The following NUP43 variants were observed in gnomAD, a reference collection of about 807,000 sequenced individuals.
NUP43 encodes the protein nucleoporin 43.
NUP43 carries 32 observed loss-of-function variants against 47.3 expected under a neutral mutation model. The observed-to-expected ratio is 0.68, with a 90% confidence interval of 0.51 to 0.91. The LOEUF (loss-of-function observed/expected upper bound fraction) is 0.91. Among genes scored for constraint, NUP43 ranks in the 40% least tolerant of loss-of-function variants. The pLI is 0.00. For synonymous variants in NUP43, 147 were observed against 158.4 expected, an observed-to-expected ratio of 0.93 and a Z score of 0.54; for missense variants, 444 against 453.9, an observed-to-expected ratio of 0.98 and a Z score of 0.20.
intron 6 of NUP43, 93 bp from the exon 7 acceptor site, chr6:149,731,828 C>T: frequency 3.0e-6 from 4 of 1,317,550 alleles, no homozygotes; most frequent in Non-Finnish European, 4.3e-6. Context: ...TTCCATTATC[C>T]TCCATCACAT....
At chr6:149,731,830 C>A in intron 6 of NUP43, 95 bp from the exon 7 acceptor site, 1 of 1,262,318 alleles carries the variant, frequency 7.9e-7, no homozygotes, top group South Asian at 1.3e-5. Flanking sequence ...CCATTATCCT[C>A]CATCACATAC....
intron 4 of NUP43, among the ~76,000 whole-genome samples, chr6:149,741,328 C>A (rs1785642726): frequency 6.6e-6 from 1 of 152,112 alleles, no homozygotes; most frequent in Admixed American, 6.6e-5. Context: ...CCTGTGCCAC[C>A]ATGCCCAGCT....
intron 6 of NUP43, among the ~76,000 whole-genome samples, chr6:149,735,620 A>AAC (rs1554246037): frequency 6.7e-6 from 1 of 149,144 alleles, no homozygotes; most frequent in Admixed American, 6.7e-5. Context: ...AAAAAAAAAA[A>AAC]CACACACAGA....
intron 2 of NUP43, among the ~76,000 whole-genome samples, chr6:149,745,167 G>A (rs554406052): frequency 2.6e-5 from 4 of 152,054 alleles, no homozygotes; most frequent in African/African-American, 7.2e-5. Flanking sequence ...TTGGGAGGCC[G>A]AGGCAGGCAA....
rs781554693 is a variant in NUP43 at position 149,738,782 on chromosome 6, A to C, written c.503-4T>G. 6.1e-6 allele frequency: 9 copies of C among 1,469,742 alleles called. No individual in the cohort carries two copies. Among genetic ancestry groups the C allele is most frequent in the Non-Finnish European group, 7.2e-6 (8 of 1,109,102 alleles). 91.0% of individuals were successfully genotyped at this position (1,469,742 alleles called of 1,614,324 possible). A position where few individuals can be genotyped will look rare whatever the true frequency, so the allele number is the denominator to read the frequency against. ...AGTGTACTACTATCTGCATTGTCTA[A>C]AAATTTAAAAAATGGTAGTATGTGT... On this transcript the variant is annotated splice_region_variant and splice_polypyrimidine_tract_variant and intron_variant, in intron 4 of 7. Transcript: ENST00000340413.
upstream of NUP43, chr6:149,746,653 G>C: frequency 6.4e-7 from 1 of 1,569,434 alleles, no homozygotes; most frequent in South Asian, 1.1e-5. Flanking sequence ...GGCACAGTCA[G>C]TACCTAGACT....
Position 149,746,489 on chromosome 6 carries a change from C to G in NUP43, c.7G>C (p.Glu3Gln). The G allele has an allele frequency of 6.2e-7, 1 of 1,614,222 alleles. No individual in the cohort carries two copies. The highest frequency in any genetic ancestry group is 8.5e-7 in the Non-Finnish European group (1 of 1,180,050). ME[E>Q]IYAKFVSQKI... ...TGGGACACAAACTTCGCATAAATTT[C>G]CTCCATGCCGAAAGCGGCCGCAGCA... The change falls in exon 1 of 8, where the codon GAA becomes CAA. Residue 3 changes from glutamate (E) to glutamine (Q), a missense_variant. Coordinates refer to ENST00000340413, the MANE Select transcript of NUP43 (RefSeq NM_198887.3).
chr6:149,740,729 T>C (rs894592800), intron 4 of NUP43, among the ~76,000 whole-genome samples: 2 of 152,110 alleles, frequency 1.3e-5, no homozygotes, highest in Non-Finnish European at 2.9e-5. Flanking sequence ...AGTTAAAAAA[T>C]TTCCTCAGAG....
Position 149,738,663 on chromosome 6 carries a change from C to A in NUP43, c.618G>T (p.Glu206Asp). 2 of 1,579,652 alleles carry A rather than the reference C, an allele frequency of 1.3e-6. No individual in the cohort carries two copies. The highest frequency in any genetic ancestry group is 1.7e-6 in the Non-Finnish European group (2 of 1,166,950). Residue 206 changes from glutamate to aspartate, a missense_variant, in exon 5 of 8, where the codon GAG (glutamate) becomes GAT (aspartate). Transcript: ENST00000340413. ...KIWDFRQQGNEPSQILSLTGD... is the reference protein window; with the variant it reads ...KIWDFRQQGNDPSQILSLTGD... ...CTTACAGTGACAATATCTGAGAAGG[C>A]TCATTTCCTTGTTGTCTGAAATCCC...
intron 7 of NUP43, chr6:149,727,929 G>A: frequency 1.0e-6 from 1 of 984,426 alleles, no homozygotes; most frequent in Non-Finnish European, 1.2e-6. Flanking sequence ...AAATGACTGA[G>A]TACCTACTAT....
intron 4 of NUP43, 65 bp from the exon 5 acceptor site, chr6:149,738,843 A>C: frequency 1.0e-6 from 1 of 963,314 alleles, no homozygotes; most frequent in Non-Finnish European, 1.4e-6. Context: ...AAAATCTTAA[A>C]TCACACTCCT....
chr6:149,746,866 AC>A (rs1311147715), upstream of NUP43, among the ~76,000 whole-genome samples: 1 of 152,246 alleles, frequency 6.6e-6, no homozygotes. Context: ...GTTGCAGGTC[AC>A]TGCGCATAGA....
intron 2 of NUP43, among the ~76,000 whole-genome samples, chr6:149,745,076 A>G (rs1785898630): frequency 6.6e-6 from 1 of 151,016 alleles, no homozygotes; most frequent in Non-Finnish European, 1.5e-5. Context: ...TTTCTATGGA[A>G]AATGCAGGGG....
upstream of NUP43, among the ~76,000 whole-genome samples, chr6:149,748,357 T>C (rs1786128412): frequency 6.6e-6 from 1 of 152,106 alleles, no homozygotes; most frequent in African/African-American, 2.4e-5. Context: ...CAGTTTTGCC[T>C]GTAGTTTCAT....
Position 149,746,529 on chromosome 6 carries a change from C to A in NUP43, c.-34G>T. 1 of 1,614,100 alleles carries A rather than the reference C, an allele frequency of 6.2e-7. No individual in the cohort carries two copies. Among genetic ancestry groups the A allele is most frequent in the East Asian group, 2.2e-5 (1 of 44,874 alleles). On this transcript the variant is annotated 5_prime_UTR_variant, in exon 1 of 8. Transcript: ENST00000340413. ...CGGCCGCAGCAGGTACTGCAAAAAG[C>A]AAGCACAGTACGCGCCTCTCAGCAC...
upstream of NUP43, among the ~76,000 whole-genome samples, chr6:149,748,445 C>T (rs1582992515): frequency 6.6e-6 from 1 of 152,150 alleles, no homozygotes; most frequent in Non-Finnish European, 1.5e-5. Flanking sequence ...TTTACAAAAT[C>T]GGATAAGAAC....
At chr6:149,732,183 G>GA (rs11430528) in intron 6 of NUP43, among the ~76,000 whole-genome samples, 50,640 of 107,054 alleles carry the variant, frequency 0.47, 10,741 homozygotes, top group East Asian at 0.82. Flanking sequence ...CACTGTCTGA[G>GA]AAAAAAAAAA....
rs781464609 is a variant in NUP43, at chr6:149,742,359, G to A, written c.502+31C>T. ...GTATTTTTAGAAGAGACTAGGTTTC[G>A]CCATGTTGGCCAGGCTGGGATTTTT... On this transcript the variant is annotated intron_variant, in intron 4 of 7. Coordinates refer to ENST00000340413, the MANE Select transcript of NUP43 (RefSeq NM_198887.3). The A allele has an allele frequency of 4.2e-5, 67 of 1,600,168 alleles. 1 individual carries two copies. Among genetic ancestry groups the A allele is most frequent in the South Asian group, 2.1e-4 (19 of 90,608 alleles).
Position 149,726,266 on chromosome 6 carries a change from C to T in NUP43, c.*703G>A, listed in dbSNP as rs553827778. 7.2e-4 allele frequency: 110 copies of T among 151,898 alleles called. No individual in the cohort carries two copies. Among genetic ancestry groups the T allele is most frequent in the Non-Finnish European group, 1.2e-3 (84 of 68,028 alleles). 9.4% of individuals were successfully genotyped at this position (151,898 alleles called of 1,614,324 possible). On this transcript the variant is annotated 3_prime_UTR_variant, in exon 8 of 8. Transcript: ENST00000340413. ...ACTAAAATTACAAAAATTAGCTGGGCGTGGTGGCGCACACCTGTAGTTCCA... is the reference window on the plus strand; with the variant it reads ...ACTAAAATTACAAAAATTAGCTGGGTGTGGTGGCGCACACCTGTAGTTCCA...
Sources: allele counts gnomAD v4.1 joint callset (sites outside exome capture counted in the v4.1 genomes callset), GRCh38; gene constraint gnomAD v4.1.1; transcripts MANE v1.5; gene names NCBI Gene and HGNC (gene_info 2026-07-23, HGNC 2026-07-21).